The following ADAMTS2 variants were observed in gnomAD, a reference collection of about 807,000 sequenced individuals.
ADAMTS2 encodes A disintegrin and metalloproteinase with thrombospondin motifs 2.
A neutral mutation model predicts 123.0 loss-of-function variants in ADAMTS2; 50 were observed. The observed-to-expected ratio is 0.41, with a 90% CI of 0.32 to 0.51. The LOEUF is 0.51. Ranked by LOEUF, ADAMTS2 falls within the 20% of genes least tolerant of loss-of-function variation. The probability of loss-of-function intolerance (pLI) is 0.35; values close to 1 mark genes in which losing one functional copy is unlikely to be tolerated. For missense variants in ADAMTS2, 1,494 were observed against 1,705.2 expected, an observed-to-expected ratio of 0.88 and a Z score of 2.18; for synonymous variants, 678 against 695.4, an observed-to-expected ratio of 0.98 and a Z score of 0.39.
intron 13 of ADAMTS2, among the ~76,000 whole-genome samples, chr5:179,135,071 TCCAGCTCCCGGCTCCAGCCC>T (rs1480147304): frequency 2.6e-4 from 7 of 26,628 alleles, no homozygotes; most frequent in East Asian, 1.0e-3. Flanking sequence ...AGCTCCCGGG[TCCAGCTCCCGGCTCCAGCCC>T]CCAGCTCCCG....
chr5:179,137,799 G>A lies in ADAMTS2; in HGVS notation c.1921C>T (p.His641Tyr), dbSNP rs754701814. Reference protein sequence around the residue: ...DLYFEHGDAQHHWLPHEHRDA... With the variant: ...DLYFEHGDAQYHWLPHEHRDA... ...CGGTGCTCGTGGGGCAGCCAGTGGT[G>A]CTGGGCGTCGCCGTGCTCGAAGTAC... Residue 641 changes from histidine to tyrosine, a missense_variant, in exon 12 of 22, where the codon CAC (histidine) becomes TAC (tyrosine). This residue lies in a region of ADAMTS2 where 953 missense variants were observed against 1,124.7 expected (regional missense o/e 0.85). Transcript: ENST00000251582. 1.3e-6 allele frequency: 2 copies of A among 1,579,124 alleles called. No homozygotes were observed. Among genetic ancestry groups the A allele is most frequent in the African/African-American group, 2.7e-5 (2 of 74,182 alleles).
rs189564661 is a variant in ADAMTS2 at position 179,180,920 on chromosome 5, G to T, written c.975+152C>A. ...AAAACAAGGGGTGAAAGGGAGCAGG[G>T]ATCTTGTTTCTTATAGGAACCTCAG... On this transcript the variant is annotated intron_variant, in intron 5 of 21. Transcript: ENST00000251582. This position sits in a 1 kb window ranked among gnomAD's most constrained non-coding sequence, Gnocchi z 4.6. The T allele has an allele frequency of 7.6e-6, 5 of 660,056 alleles. No homozygotes were observed. In the Admixed American group the frequency reaches 9.0e-5, roughly 12 times the overall value. 40.9% of individuals were successfully genotyped at this position (660,056 alleles called of 1,614,324 possible).
chr5:179,266,934 C>A (rs2113501231), intron 3 of ADAMTS2, among the ~76,000 whole-genome samples: 1 of 152,332 alleles, frequency 6.6e-6, no homozygotes, highest in Admixed American at 6.5e-5. Flanking sequence ...CCCCCACCAG[C>A]CTCCCTCACA....
intron 2 of ADAMTS2, among the ~76,000 whole-genome samples, chr5:179,336,604 C>T (rs153816): frequency 0.13 from 19,404 of 152,046 alleles, 1,261 homozygotes; most frequent in Middle Eastern, 0.17. Flanking sequence ...TGGTGTGTCC[C>T]GTAACCGATG....
chr5:179,229,074 T>TC (rs1321482658), intron 3 of ADAMTS2, among the ~76,000 whole-genome samples: 1 of 151,966 alleles, frequency 6.6e-6, no homozygotes, highest in Non-Finnish European at 1.5e-5. Context: ...GGCCACCCTC[T>TC]CTCCGTCAGA....
intron 5 of ADAMTS2, among the ~76,000 whole-genome samples, chr5:179,169,054 A>G (rs1234050951): frequency 6.6e-6 from 1 of 152,244 alleles, no homozygotes; most frequent in African/African-American, 2.4e-5. Context: ...GTGGGGAGGC[A>G]GAAGAGGGGC....
At chr5:179,280,299 T>TG (rs1766854763) in intron 2 of ADAMTS2, among the ~76,000 whole-genome samples, 2 of 151,884 alleles carry the variant, frequency 1.3e-5, no homozygotes. Flanking sequence ...AAGGGCAGGG[T>TG]GGGGGGCGAG....
chr5:179,239,766 A>G (rs1244306531), intron 3 of ADAMTS2, among the ~76,000 whole-genome samples: 1 of 152,134 alleles, frequency 6.6e-6, no homozygotes, highest in Non-Finnish European at 1.5e-5. Flanking sequence ...CATCAACCCC[A>G]GAGGGTGCGG....
intron 3 of ADAMTS2, among the ~76,000 whole-genome samples, chr5:179,211,781 A>C (rs56814801): frequency 0.14 from 22,006 of 152,094 alleles, 1,718 homozygotes; most frequent in South Asian, 0.2. Flanking sequence ...AAGGGCTGCA[A>C]CTGCCAGCAT....
intron 21 of ADAMTS2, among the ~76,000 whole-genome samples, chr5:179,119,327 C>G (rs1762715265): frequency 6.6e-6 from 1 of 152,238 alleles, no homozygotes; most frequent in Non-Finnish European, 1.5e-5. Flanking sequence ...GGGCCCGGCC[C>G]TATGCCCAAG....
At chr5:179,191,177 G>A (rs925871998) in intron 4 of ADAMTS2, among the ~76,000 whole-genome samples, 8 of 152,244 alleles carry the variant, frequency 5.3e-5, no homozygotes, top group Admixed American at 2.0e-4. Flanking sequence ...CGGCCACTGC[G>A]AGCCACTGAC....
chr5:179,212,697 G>T (rs1212897596), intron 3 of ADAMTS2, among the ~76,000 whole-genome samples: 1 of 131,458 alleles, frequency 7.6e-6, no homozygotes, highest in African/African-American at 2.9e-5. Context: ...CTGAGGGCGG[G>T]TGCAGTGGGC....
intron 19 of ADAMTS2, among the ~76,000 whole-genome samples, chr5:179,123,709 G>C (rs1046876146): frequency 1.3e-5 from 2 of 152,252 alleles, no homozygotes; most frequent in African/African-American, 2.4e-5. Flanking sequence ...GATCACTGGC[G>C]TAAGCCACTG....
chr5:179,142,929 A>G lies in ADAMTS2; in HGVS notation c.1630-2894T>C, dbSNP rs528628479. Among the ~76,000 whole-genome samples, 101 of 152,370 alleles carry G rather than the reference A, an allele frequency of 6.6e-4. 1 individual carries two copies. Among genetic ancestry groups the G allele is most frequent in the African/African-American group, 2.4e-3 (98 of 41,582 alleles). ...TCTGAGCCATGAAAAGAAACAGGAA[A>G]GTGTGACCCATACGCAGGAAATGAA... is the stretch of plus-strand genomic sequence containing the variant. On this transcript the variant is annotated intron_variant, in intron 10 of 21. Transcript: ENST00000251582.
chr5:179,263,596 C>T (rs1490783754), intron 3 of ADAMTS2, among the ~76,000 whole-genome samples: 5 of 152,220 alleles, frequency 3.3e-5, no homozygotes, highest in African/African-American at 9.6e-5. Context: ...CGCTCCTGGC[C>T]GGGTTCTCTA....
chr5:179,179,289 G>C (rs1452044059), intron 5 of ADAMTS2, among the ~76,000 whole-genome samples: 1 of 151,248 alleles, frequency 6.6e-6, no homozygotes, highest in Admixed American at 6.6e-5. Flanking sequence ...AAATGAATTG[G>C]ATTTTTTTAG....
chr5:179,289,620 T>C (rs1481917038), intron 2 of ADAMTS2, among the ~76,000 whole-genome samples: 3 of 152,066 alleles, frequency 2.0e-5, no homozygotes, highest in Non-Finnish European at 4.4e-5. Flanking sequence ...GGTTTGCTCA[T>C]CAAGCCACTC....
At chr5:179,219,464 T>G (rs553431779) in intron 3 of ADAMTS2, among the ~76,000 whole-genome samples, 1 of 152,340 alleles carries the variant, frequency 6.6e-6, no homozygotes, top group South Asian at 2.1e-4. Flanking sequence ...CTTGAACGAT[T>G]GAGGCATCAG....
chr5:179,197,095 A>C lies in ADAMTS2; in HGVS notation c.891+10418T>G, dbSNP rs1764446708. Reference sequence around the variant, plus strand: ...CCAAAAAAGGGGCCACTTCAGGGGGAGATGCCTTACATCTGTCTGGTGGCC... The same window carrying C: ...CCAAAAAAGGGGCCACTTCAGGGGGCGATGCCTTACATCTGTCTGGTGGCC... On this transcript the variant is annotated intron_variant, in intron 4 of 21. Coordinates refer to ENST00000251582, the MANE Select transcript of ADAMTS2 (RefSeq NM_014244.5). This position sits in a 1 kb window ranked among gnomAD's most constrained non-coding sequence, Gnocchi z 4.2. Among the ~76,000 whole-genome samples the C allele has an allele frequency of 6.6e-6, 1 of 152,200 alleles. No homozygotes were observed. Among genetic ancestry groups the C allele is most frequent in the South Asian group, 2.1e-4 (1 of 4,832 alleles).
Sources: gnomAD v4.1 joint callset for allele counts (sites outside exome capture counted in the v4.1 genomes callset) on GRCh38, gnomAD v4.1.1 for gene constraint, gnomAD v4.1.1 regional missense constraint, Gnocchi (gnomAD v3.1) non-coding constraint, MANE v1.5 for transcripts, NCBI Gene and HGNC (gene_info 2026-07-23, HGNC 2026-07-21) for gene names.